The following SHOX variants were observed in gnomAD, a reference collection of about 807,000 sequenced individuals.
SHOX encodes the protein SHOX homeobox.
A neutral mutation model predicts 29.6 loss-of-function variants in SHOX; 12 were observed. The ratio of observed to expected loss-of-function variants is 0.41; its 90% CI spans 0.26 to 0.66. The LOEUF is 0.66. Ranked by LOEUF, SHOX falls within the 30% of genes least tolerant of loss-of-function variation. The probability of loss-of-function intolerance (pLI) is 0.35; values close to 1 mark genes in which losing one functional copy is unlikely to be tolerated. For synonymous variants in SHOX, 214 were observed against 200.6 expected (o/e 1.07, Z -0.57); for missense variants, 499 against 437.7 (o/e 1.14, Z -1.25).
intron 2 of SHOX, among the ~76,000 whole-genome samples, chrX:635,176 G>C (rs1244717651): frequency 2.6e-5 from 4 of 152,122 alleles, no homozygotes; most frequent in South Asian, 2.1e-4. Flanking sequence ...ATTGGCTCCT[G>C]ACTGCCTTCG....
rs1390977853 is a variant in SHOX at position 647,225 on chromosome X, T to C, written c.*2589T>C. On this transcript the variant is annotated 3_prime_UTR_variant, in exon 5 of 5. Coordinates refer to ENST00000686671, the MANE Select transcript of SHOX (RefSeq NM_000451.4). ...CCGAGTAGCTGGGATTACAGGCACC[T>C]GCCACCAGGCCTGGGTAACTTTCTG... Among the ~76,000 whole-genome samples, 3 of 151,696 alleles carry C rather than the reference T, an allele frequency of 2.0e-5. No individual in the cohort carries two copies. The highest frequency in any genetic ancestry group is 4.8e-5 in the African/African-American group (2 of 41,248).
chrX:635,781 G>A (rs1414103233), intron 2 of SHOX, among the ~76,000 whole-genome samples: 1 of 152,096 alleles, frequency 6.6e-6, no homozygotes, highest in Non-Finnish European at 1.5e-5. Context: ...GCCCCTGCCT[G>A]ACAGTTCAGC....
intron 1 of SHOX, among the ~76,000 whole-genome samples, chrX:624,879 T>TTTCTTTC (rs1469700194): frequency 8.2e-5 from 6 of 73,206 alleles, no homozygotes; most frequent in African/African-American, 1.9e-4. Flanking sequence ...TCTTTCTTTC[T>TTTCTTTC]TTCTTTCTTT....
chrX:632,739 A>C (rs28482156), intron 1 of SHOX, among the ~76,000 whole-genome samples: 12,499 of 152,204 alleles, frequency 0.082, 1,071 homozygotes, highest in African/African-American at 0.21. Context: ...TGCCTTTGAC[A>C]GTGAGAGGAG....
chrX:624,581 C>G (rs2052466766), exon 1 of SHOX: 1 of 152,044 alleles, frequency 6.6e-6, no homozygotes, highest in African/African-American at 2.4e-5. Context: ...GGGGCGCGCT[C>G]GGGGCCTGCG....
At chrX:631,675 G>GAGC (rs1357217355) in intron 1 of SHOX, among the ~76,000 whole-genome samples, 12 of 152,308 alleles carry the variant, frequency 7.9e-5, no homozygotes, top group African/African-American at 2.9e-4. Flanking sequence ...GGGATTACAG[G>GAGC]CATGCACCAC....
exon 6 of SHOX, chrX:659,346 C>G (rs1427237439): frequency 6.6e-6 from 1 of 152,168 alleles, no homozygotes; most frequent in Non-Finnish European, 1.5e-5. Context: ...CTCCACCTCC[C>G]AAAGTGTTAG....
rs375374324 is a variant in SHOX, at chrX:644,707, A to C, written c.*71A>C. On this transcript the variant is annotated 3_prime_UTR_variant, in exon 5 of 5. Transcript: ENST00000686671. Reference sequence around the variant, plus strand: ...ACCCCGCCTGCACCGCGCGTCCTGCACTCAACCCCGCCTGGAGCTCCTTCC... The same window carrying C: ...ACCCCGCCTGCACCGCGCGTCCTGCCCTCAACCCCGCCTGGAGCTCCTTCC... 5 of 1,352,854 alleles carry C rather than the reference A, an allele frequency of 3.7e-6. No homozygotes were observed. In the Admixed American group the frequency reaches 1.2e-4, roughly 33 times the overall value. 83.8% of individuals were successfully genotyped at this position (1,352,854 alleles called of 1,614,324 possible). A position where few individuals can be genotyped will look rare whatever the true frequency, so the allele number is the denominator to read the frequency against.
chrX:632,492 C>A (rs1200053981), intron 1 of SHOX, among the ~76,000 whole-genome samples: 1 of 152,166 alleles, frequency 6.6e-6, no homozygotes, highest in East Asian at 1.9e-4. Flanking sequence ...TGCTGATTCG[C>A]AGAGTTGAGG....
At chrX:641,178 G>C in intron 4 of SHOX, 91 bp downstream of exon 4, 1 of 1,227,444 alleles carries the variant, frequency 8.1e-7, no homozygotes, top group Non-Finnish European at 1.2e-6. Flanking sequence ...GACACTCCTA[G>C]TCCCTCCCTG....
rs1204848315 is a variant in SHOX at position 634,478 on chromosome X, T to TTA, written c.278-138_278-137dup. ...GCGAGTATCCTCCTCGGCTTTTGCCTTATGGACCCCACGCAGTTTTTGCGT... is the reference window on the plus strand; with the variant it reads ...GCGAGTATCCTCCTCGGCTTTTGCCTTATATGGACCCCACGCAGTTTTTGCGT... On this transcript the variant is annotated intron_variant, in intron 1 of 4. Coordinates refer to ENST00000686671, the MANE Select transcript of SHOX (RefSeq NM_000451.4). 6 of 875,120 alleles carry TTA rather than the reference T, an allele frequency of 6.9e-6. No individual in the cohort carries two copies. In the African/African-American group the frequency reaches 1.0e-4, roughly 15 times the overall value. 54.2% of individuals were successfully genotyped at this position (875,120 alleles called of 1,614,324 possible).
At chrX:627,009 C>G (rs2052551177), upstream of SHOX, among the ~76,000 whole-genome samples, 1 of 151,758 alleles carries the variant, frequency 6.6e-6, no homozygotes, top group Non-Finnish European at 1.5e-5. Context: ...CTCTCTGTCT[C>G]TTTTTCTCTG....
rs373763626 is a variant in SHOX, at chrX:648,579, G to A, written c.*3943G>A. On this transcript the variant is annotated 3_prime_UTR_variant, in exon 5 of 5. Transcript: ENST00000686671. ...TACTGACTCTCAACTGTGCGGGGAC[G>A]GTTTCAGTTTGATTTAATATGGAAA... is the stretch of plus-strand genomic sequence containing the variant. Among the ~76,000 whole-genome samples the A allele has an allele frequency of 3.3e-5, 5 of 152,172 alleles. No homozygotes were observed. The highest frequency in any genetic ancestry group is 7.2e-5 in the African/African-American group (3 of 41,434).
In SHOX at chrX:647,006, G is replaced by C. The variant is rs2052978005; in HGVS notation, c.*2370G>C. ...TTGAAAAATCGAAACATAACAGTGT[G>C]TCATCATTTCCTCCCAAGAAAAAGC... On this transcript the variant is annotated 3_prime_UTR_variant, in exon 5 of 5. Transcript: ENST00000686671. Among the ~76,000 whole-genome samples the C allele has an allele frequency of 6.6e-6, 1 of 151,918 alleles. No homozygotes were observed. The highest frequency in any genetic ancestry group is 1.5e-5 in the Non-Finnish European group (1 of 68,010).
chrX:642,580 C>T (rs2052874901), intron 4 of SHOX, among the ~76,000 whole-genome samples: 1 of 152,198 alleles, frequency 6.6e-6, no homozygotes, highest in Non-Finnish European at 1.5e-5. Context: ...CTCCTGGGTA[C>T]CTGGCCTTGA....
intron 2 of SHOX, 148 bp downstream of exon 2, chrX:634,974 C>G (rs2052719302): frequency 1.3e-6 from 1 of 788,420 alleles, no homozygotes; most frequent in South Asian, 1.8e-5. Context: ...GCTGGGGTTC[C>G]TGGACTTTTG....
intron 2 of SHOX, among the ~76,000 whole-genome samples, chrX:639,693 C>T (rs112766833): frequency 0.099 from 15,089 of 152,240 alleles, 992 homozygotes; most frequent in South Asian, 0.16. Context: ...AGGCAGGGCA[C>T]GGATGATTTA....
At chrX:640,473 G>A (rs1315955078) in intron 2 of SHOX, among the ~76,000 whole-genome samples, 1 of 150,898 alleles carries the variant, frequency 6.6e-6, no homozygotes, top group Admixed American at 6.6e-5. Context: ...CTACTCGGGA[G>A]GCTGAGGCAG....
At position 634,668 on chromosome X, in the gene SHOX, G is replaced by A; in HGVS notation, c.328G>A (p.Asp110Asn). 2 of 1,613,926 alleles carry A rather than the reference G, an allele frequency of 1.2e-6. No individual in the cohort carries two copies. The highest frequency in any genetic ancestry group is 4.5e-5 in the East Asian group (2 of 44,878). Residue 110 changes from aspartate to asparagine, a missense_variant, in exon 2 of 5, where the codon GAC becomes AAC. Physicochemically the swap from Asp to Asn is conservative, Grantham distance 23. Coordinates refer to ENST00000686671, the MANE Select transcript of SHOX (RefSeq NM_000451.4). ...KREDVKSEDE[D>N]GQTKLKQRRS... ...CGAGGACGTGAAGTCGGAGGACGAG[G>A]ACGGGCAGACCAAGCTGAAACAGAG... is the stretch of plus-strand genomic sequence containing the variant.
Sources: gnomAD v4.1 joint callset for allele counts (sites outside exome capture counted in the v4.1 genomes callset) on GRCh38, gnomAD v4.1.1 for gene constraint, MANE v1.5 for transcripts, NCBI Gene and HGNC (gene_info 2026-07-23, HGNC 2026-07-21) for gene names.